Variants in PGPEP1L observed in about 807,000 individuals in gnomAD.
PGPEP1L encodes pyroglutamyl-peptidase I like, also known as pyroglutamyl-peptidase 1-like protein.
Under a neutral mutation model 6.0 loss-of-function variants are expected in PGPEP1L, and 7 were observed. That is an observed-to-expected ratio of 1.17 (90% confidence interval 0.66 to 2.19). PGPEP1L has a LOEUF of 2.19. PGPEP1L is among the 30% of genes most tolerant of loss of function. The pLI, the probability that PGPEP1L is intolerant of heterozygous loss-of-function variation, is 0.00. For missense variants in PGPEP1L, 209 were observed against 192.5 expected (o/e 1.09, Z -0.51); for synonymous variants, 103 against 83.9 (o/e 1.23, Z -1.24).
In PGPEP1L at chr15:98,997,747, C is replaced by A. The variant is rs1162384263; in HGVS notation, c.-142+7682G>T. Among the ~76,000 whole-genome samples, 4 of 152,144 alleles carry A rather than the reference C, an allele frequency of 2.6e-5. No individual in the cohort carries two copies. The East Asian group carries it at 7.7e-4, about 29-fold the overall frequency. On this transcript the variant is annotated intron_variant, in intron 2 of 4. Coordinates refer to ENST00000535714, the MANE Select transcript of PGPEP1L (RefSeq NM_001167902.2). ...CATCTGCTTTATTATTCCCTCATTT[C>A]ATGAATGAGAAAACTGAGGCTGGGG...
At chr15:98,972,273 A>C (rs1400226700) in intron 2 of PGPEP1L, among the ~76,000 whole-genome samples, 1 of 152,122 alleles carries the variant, frequency 6.6e-6, no homozygotes, top group Non-Finnish European at 1.5e-5. Context: ...GAATCACTTG[A>C]ACCTGGGAGG....
chr15:99,002,113 G>C (rs2017980734), intron 2 of PGPEP1L, among the ~76,000 whole-genome samples: 1 of 152,170 alleles, frequency 6.6e-6, no homozygotes, highest in African/African-American at 2.4e-5. Flanking sequence ...CTGGGCTCAA[G>C]TGATCCTTCC....
At chr15:98,981,241 C>T (rs2017654395) in intron 2 of PGPEP1L, among the ~76,000 whole-genome samples, 1 of 152,044 alleles carries the variant, frequency 6.6e-6, no homozygotes, top group African/African-American at 2.4e-5. Context: ...GCCTGTAATC[C>T]CAGCACTTTG....
chr15:98,989,655 G>T (rs1216672404), intron 2 of PGPEP1L, among the ~76,000 whole-genome samples: 20 of 152,134 alleles, frequency 1.3e-4, no homozygotes, highest in Admixed American at 1.1e-3. Flanking sequence ...TCCTTGAGAA[G>T]AGCAACCCCA....
chr15:98,989,340 C>G (rs905745389), intron 2 of PGPEP1L, among the ~76,000 whole-genome samples: 2 of 152,046 alleles, frequency 1.3e-5, no homozygotes, highest in South Asian at 4.1e-4. Context: ...GAAGCATACA[C>G]AAGTATCAAA....
intron 2 of PGPEP1L, among the ~76,000 whole-genome samples, chr15:98,993,520 A>AT (rs1236805243): frequency 6.6e-6 from 1 of 152,158 alleles, no homozygotes; most frequent in African/African-American, 2.4e-5. Context: ...TAGTTCAACA[A>AT]TTATACAGTG....
rs2017624919 is a variant in PGPEP1L, at chr15:98,979,562, A to C, written c.-141-8404T>G. 2.0e-5 allele frequency among the ~76,000 whole-genome samples: 3 copies of C among 151,858 alleles called. 1 individual carries two copies. Among genetic ancestry groups the C allele is most frequent in the South Asian group, 4.1e-4 (2 of 4,820 alleles). On this transcript the variant is annotated intron_variant, in intron 2 of 4. Transcript: ENST00000535714. Reference sequence around the variant, plus strand: ...AAACTGCGGTATATAGATAGGATGGAATACTACTCAGCCATAAAAAGAAAT... The same window carrying C: ...AAACTGCGGTATATAGATAGGATGGCATACTACTCAGCCATAAAAAGAAAT...
chr15:99,004,589 G>A (rs1309973575), intron 2 of PGPEP1L, among the ~76,000 whole-genome samples: 7 of 152,144 alleles, frequency 4.6e-5, no homozygotes, highest in Non-Finnish European at 7.4e-5. Context: ...GTGGTGGTGC[G>A]TACCTGTAGT....
At chr15:98,993,243 C>G (rs1357663313) in intron 2 of PGPEP1L, among the ~76,000 whole-genome samples, 1 of 152,048 alleles carries the variant, frequency 6.6e-6, no homozygotes, top group South Asian at 2.1e-4. Context: ...CTACAAGGAA[C>G]TTAAATTTAC....
At chr15:98,980,384 A>G (rs968626546) in intron 2 of PGPEP1L, among the ~76,000 whole-genome samples, 2 of 152,194 alleles carry the variant, frequency 1.3e-5, no homozygotes, top group Non-Finnish European at 2.9e-5. Context: ...TTTCAAAAGG[A>G]AACAAGCCAT....
intron 2 of PGPEP1L, among the ~76,000 whole-genome samples, chr15:98,985,555 A>C (rs2017735744): frequency 6.6e-6 from 1 of 152,104 alleles, no homozygotes; most frequent in African/African-American, 2.4e-5. Context: ...ACAAACAAAC[A>C]ACCAAACAAA....
intron 2 of PGPEP1L, among the ~76,000 whole-genome samples, chr15:98,981,127 GAA>G (rs1385117911): frequency 6.6e-6 from 1 of 151,892 alleles, no homozygotes; most frequent in African/African-American, 2.4e-5. Flanking sequence ...AAAAGCAGCA[GAA>G]AAGTCCCAAT....
chr15:99,002,761 G>T (rs1285873226), intron 2 of PGPEP1L, among the ~76,000 whole-genome samples: 2 of 152,140 alleles, frequency 1.3e-5, no homozygotes, highest in Non-Finnish European at 2.9e-5. Flanking sequence ...GATACAAGTG[G>T]AATTCTCTAA....
Position 98,969,508 on chromosome 15 carries a change from C to T in PGPEP1L, c.126G>A (p.Leu42=), listed in dbSNP as rs779334423. ...GVCLPGSPDV[L]ESGVCMKAVC... is the part of the protein sequence containing the mutation. ...CTGCCTTCATGCAGACCCCTGACTCCAGCACGTCTGGGCTGCCAGGTAGGC... is the reference window on the plus strand; with the variant it reads ...CTGCCTTCATGCAGACCCCTGACTCTAGCACGTCTGGGCTGCCAGGTAGGC... The change falls in exon 4 of 5, where the codon CTG becomes CTA. Residue 42 remains leucine (L), a synonymous_variant. Transcript: ENST00000535714. The T allele has an allele frequency of 6.2e-7, 1 of 1,614,066 alleles. No homozygotes were observed. Among genetic ancestry groups the T allele is most frequent in the Non-Finnish European group, 8.5e-7 (1 of 1,179,900 alleles).
At chr15:98,984,231 C>T (rs948608690) in intron 2 of PGPEP1L, among the ~76,000 whole-genome samples, 3 of 152,070 alleles carry the variant, frequency 2.0e-5, no homozygotes, top group Non-Finnish European at 2.9e-5. Context: ...AAGATGGTCT[C>T]GATCTCCTGA....
At chr15:98,995,961 G>A (rs567221831) in intron 2 of PGPEP1L, among the ~76,000 whole-genome samples, 26 of 152,166 alleles carry the variant, frequency 1.7e-4, no homozygotes, top group East Asian at 5.8e-4. Flanking sequence ...TTCATTTACC[G>A]TAATTCTAAC....
At chr15:98,983,063 T>C (rs1469396940) in intron 2 of PGPEP1L, among the ~76,000 whole-genome samples, 1 of 151,976 alleles carries the variant, frequency 6.6e-6, no homozygotes, top group African/African-American at 2.4e-5. Context: ...TCTGGACTAA[T>C]TGGAAAAATG....
In PGPEP1L at chr15:98,985,142, A is replaced by C. The variant is rs2017729170; in HGVS notation, c.-141-13984T>G. ...AAATATGAACTCACGGCACAGGGAC[A>C]GCCATGAAGAGATGGATATAGGGCT... is the stretch of plus-strand genomic sequence containing the variant. On this transcript the variant is annotated intron_variant, in intron 2 of 4. Coordinates refer to ENST00000535714, the MANE Select transcript of PGPEP1L (RefSeq NM_001167902.2). Among the ~76,000 whole-genome samples the C allele has an allele frequency of 3.9e-5, 6 of 152,318 alleles. No homozygotes were observed. In the South Asian group the frequency reaches 1.2e-3, roughly 32 times the overall value.
Position 98,982,700 on chromosome 15 carries a change from C to CTTTTTTT in PGPEP1L, c.-141-11549_-141-11543dup, listed in dbSNP as rs369749842. Among the ~76,000 whole-genome samples the CTTTTTTT allele has an allele frequency of 3.0e-4, 16 of 52,508 alleles. 1 individual carries two copies. Among genetic ancestry groups the CTTTTTTT allele is most frequent in the Non-Finnish European group, 5.0e-4 (12 of 23,888 alleles). 34.4% of individuals were successfully genotyped at this position (52,508 alleles called of 152,430 possible). ...TCACTCTGGTTATTTTTATCTGAGG[C>CTTTTTTT]TTTTTTTTTTTTTTTTTTTTTTTTT... On this transcript the variant is annotated intron_variant, in intron 2 of 4. Transcript: ENST00000535714.
Sources: allele counts gnomAD v4.1 joint callset (sites outside exome capture counted in the v4.1 genomes callset), GRCh38; gene constraint gnomAD v4.1.1; transcripts MANE v1.5; gene names NCBI Gene and HGNC (gene_info 2026-07-23, HGNC 2026-07-21).